Variants in BEND5 observed in about 807,000 individuals in gnomAD.
BEND5 encodes BEN domain containing 5.
Under a neutral mutation model 43.9 loss-of-function variants are expected in BEND5, and 22 were observed. The ratio of observed to expected loss-of-function variants is 0.50; its 90% CI spans 0.36 to 0.72. BEND5 has a LOEUF of 0.72. Among genes scored for constraint, BEND5 ranks in the 30% least tolerant of loss-of-function variants. The pLI is 0.00. For missense variants in BEND5, 428 were observed against 550.6 expected, an observed-to-expected ratio of 0.78 and a Z score of 2.23; for synonymous variants, 228 against 225.9, an observed-to-expected ratio of 1.01 and a Z score of -0.08.
chr1:48,762,263 A>G (rs1241678523), intron 1 of BEND5, among the ~76,000 whole-genome samples: 2 of 152,196 alleles, frequency 1.3e-5, no homozygotes, highest in African/African-American at 4.8e-5. Flanking sequence ...ATATAAAAGG[A>G]TATTATTTCT....
At chr1:48,759,322 G>A (rs1344974600) in intron 2 of BEND5, 38 bp from the exon 3 acceptor site, 16 of 1,537,136 alleles carry the variant, frequency 1.0e-5, no homozygotes, top group Non-Finnish European at 1.3e-5. Flanking sequence ...GGCAAGGGCA[G>A]CTGGGATTTT....
intron 5 of BEND5, among the ~76,000 whole-genome samples, chr1:48,731,410 G>A (rs1444366905): frequency 1.3e-5 from 2 of 152,134 alleles, no homozygotes; most frequent in Non-Finnish European, 2.9e-5. Context: ...TCTCATTCAC[G>A]TACAAGGCAA....
chr1:48,754,276 G>A (rs1652191591), intron 3 of BEND5, among the ~76,000 whole-genome samples: 1 of 152,110 alleles, frequency 6.6e-6, no homozygotes, highest in South Asian at 2.1e-4. Context: ...GGTCTCTATT[G>A]TTCTGCTTCC....
chr1:48,742,657 G>A lies in BEND5; in HGVS notation c.860C>T (p.Pro287Leu), dbSNP rs780162989. 1.2e-6 allele frequency: 2 copies of A among 1,606,686 alleles called. No homozygotes were observed. Among genetic ancestry groups the A allele is most frequent in the Non-Finnish European group, 1.7e-6 (2 of 1,176,198 alleles). Residue 287 changes from proline (P) to leucine (L), a missense_variant, in exon 4 of 6, where the codon CCT becomes CTT. Transcript: ENST00000371833. ...NTSSYYPAPAPVMDKYILDNG... is the reference protein window; with the variant it reads ...NTSSYYPAPALVMDKYILDNG... ...GTCTAGGATATACTTGTCCATGACA[G>A]GCGCAGGAGCGGGGTAATAGGACGA...
At chr1:48,751,592 C>A (rs953307294) in intron 3 of BEND5, among the ~76,000 whole-genome samples, 16 of 152,164 alleles carry the variant, frequency 1.1e-4, no homozygotes, top group Non-Finnish European at 2.1e-4. Context: ...TCCTAGAAAC[C>A]AGGCTTTGCC....
intron 3 of BEND5, among the ~76,000 whole-genome samples, chr1:48,758,162 C>T (rs1477020792): frequency 2.0e-5 from 3 of 152,150 alleles, no homozygotes; most frequent in South Asian, 2.1e-4. Flanking sequence ...GAGTTTTATA[C>T]GTCTTTATAT....
chr1:48,776,854 C>A lies in BEND5; in HGVS notation c.-23G>T. 1.5e-6 allele frequency: 2 copies of A among 1,378,410 alleles called. No individual in the cohort carries two copies. The highest frequency in any genetic ancestry group is 1.6e-5 in the African/African-American group (1 of 64,090). 85.4% of individuals were successfully genotyped at this position (1,378,410 alleles called of 1,614,324 possible). ...CATGGTGGGCGCCGGGGGCGGGCCC[C>A]GGTCGGGCAGCTCAGCCCGCGGGGC... On this transcript the variant is annotated 5_prime_UTR_variant, in exon 1 of 6. Transcript: ENST00000371833.
chr1:48,747,687 G>A (rs937791148), intron 3 of BEND5, among the ~76,000 whole-genome samples: 4 of 152,118 alleles, frequency 2.6e-5, no homozygotes, highest in East Asian at 1.9e-4. Flanking sequence ...ACACAGTTAC[G>A]GTCTTTGTAA....
chr1:48,733,266 C>T (rs1440605533), intron 5 of BEND5, among the ~76,000 whole-genome samples: 2 of 152,106 alleles, frequency 1.3e-5, no homozygotes, highest in African/African-American at 4.8e-5. Flanking sequence ...AGGAGCATAA[C>T]TGAAGGAACA....
At chr1:48,749,243 C>G (rs570077905) in intron 3 of BEND5, among the ~76,000 whole-genome samples, 12 of 151,778 alleles carry the variant, frequency 7.9e-5, no homozygotes, top group Non-Finnish European at 1.8e-4. Flanking sequence ...CTCTTTTTTT[C>G]TCTCTGTAGC....
chr1:48,733,400 T>G (rs1208168535), intron 5 of BEND5, among the ~76,000 whole-genome samples: 1 of 152,124 alleles, frequency 6.6e-6, no homozygotes, highest in Non-Finnish European at 1.5e-5. Context: ...AGTCTGTAGG[T>G]GTGATGCCTC....
At chr1:48,740,359 T>C (rs1054814138) in intron 4 of BEND5, among the ~76,000 whole-genome samples, 1 of 152,224 alleles carries the variant, frequency 6.6e-6, no homozygotes, top group African/African-American at 2.4e-5. Flanking sequence ...TAACCTGTTA[T>C]GTAATTATAG....
Position 48,758,956 on chromosome 1 carries a change from T to C in BEND5, c.689A>G (p.Glu230Gly), listed in dbSNP as rs747657670. 1.2e-6 allele frequency: 2 copies of C among 1,600,472 alleles called. No individual in the cohort carries two copies. Among genetic ancestry groups the C allele is most frequent in the Non-Finnish European group, 1.7e-6 (2 of 1,174,108 alleles). ...EYGALVSEMKELRDLNRRLQD... is the reference protein window; with the variant it reads ...EYGALVSEMKGLRDLNRRLQD... ...GAGCCTCCGGTTAAGGTCACGGAGCTCCTTCATTTCAGACACAAGTGCCCC... is the reference window on the plus strand; with the variant it reads ...GAGCCTCCGGTTAAGGTCACGGAGCCCCTTCATTTCAGACACAAGTGCCCC... Residue 230 changes from glutamate to glycine, a missense_variant, in exon 3 of 6, where the codon GAG becomes GGG. Glu to Gly is a moderately conservative substitution (Grantham distance 98). Transcript: ENST00000371833.
At position 48,759,265 on chromosome 1, in the gene BEND5, G is replaced by A. The variant is rs748438575; in HGVS notation, c.380C>T (p.Pro127Leu). The change falls in exon 3 of 6, where the codon CCG becomes CTG. Residue 127 changes from proline to leucine, a missense_variant. Around this residue, in one of 4 missense-constraint regions of BEND5, gnomAD observed 243 missense variants for 286.4 expected, o/e 0.85. Transcript: ENST00000371833. ...RHIKRPEGRK[P>L]SEVAHKSIEA... Reference sequence around the variant, plus strand: ...GATGCTCTTGTGCGCCACTTCGCTCGGCTTCCGCCCCTCAGGTCTCTGTGT... The same window carrying A: ...GATGCTCTTGTGCGCCACTTCGCTCAGCTTCCGCCCCTCAGGTCTCTGTGT... 39 of 1,561,560 alleles carry A rather than the reference G, an allele frequency of 2.5e-5. No homozygotes were observed. The highest frequency in any genetic ancestry group is 3.0e-5 in the Non-Finnish European group (35 of 1,152,724).
chr1:48,774,879 C>T (rs904310708), intron 1 of BEND5, among the ~76,000 whole-genome samples: 7 of 152,186 alleles, frequency 4.6e-5, no homozygotes, highest in Non-Finnish European at 7.3e-5. Flanking sequence ...CACTAAGAAA[C>T]TTATCACTGA....
intron 3 of BEND5, among the ~76,000 whole-genome samples, chr1:48,753,000 G>A (rs1173306799): frequency 2.6e-5 from 4 of 151,992 alleles, no homozygotes; most frequent in Non-Finnish European, 4.4e-5. Flanking sequence ...CGCCTGCCTC[G>A]GCCTCCCAAA....
chr1:48,771,850 C>G (rs780469201), intron 1 of BEND5, among the ~76,000 whole-genome samples: 1 of 152,190 alleles, frequency 6.6e-6, no homozygotes, highest in Non-Finnish European at 1.5e-5. Context: ...AAGAACATGG[C>G]TTTGGAAGCT....
intron 3 of BEND5, among the ~76,000 whole-genome samples, chr1:48,748,654 C>T (rs1651154045): frequency 6.6e-6 from 1 of 152,112 alleles, no homozygotes; most frequent in Non-Finnish European, 1.5e-5. Context: ...GCAAGTGGCA[C>T]AAACCACAGG....
At chr1:48,743,169 G>A (rs190532282) in intron 3 of BEND5, among the ~76,000 whole-genome samples, 1 of 152,262 alleles carries the variant, frequency 6.6e-6, no homozygotes. Context: ...ATCTTACAGT[G>A]GAGAAGGCCG....
Sources: allele counts gnomAD v4.1 joint callset (sites outside exome capture counted in the v4.1 genomes callset), GRCh38; gene constraint gnomAD v4.1.1; regional missense constraint gnomAD v4.1.1; transcripts MANE v1.5; gene names NCBI Gene and HGNC (gene_info 2026-07-23, HGNC 2026-07-21).